Variants in ARMC6 observed in about 807,000 individuals in gnomAD.
ARMC6 encodes armadillo repeat-containing protein 6.
ARMC6 carries 43 observed loss-of-function variants against 49.2 expected under a neutral mutation model. The ratio of observed to expected loss-of-function variants is 0.87; its 90% CI spans 0.69 to 1.13. ARMC6 has a LOEUF of 1.13. Among genes scored for constraint, ARMC6 ranks in the 50% most tolerant of loss-of-function variants. The probability of loss-of-function intolerance (pLI) is 0.00; values close to 1 mark genes in which losing one functional copy is unlikely to be tolerated. For synonymous variants in ARMC6, 262 were observed against 289.6 expected, an observed-to-expected ratio of 0.90 and a Z score of 0.97; for missense variants, 627 against 682.0, an observed-to-expected ratio of 0.92 and a Z score of 0.90.
In ARMC6 at chr19:19,055,839, C is replaced by T; in HGVS notation, c.1204C>T (p.Pro402Ser). 1 of 1,611,560 alleles carries T rather than the reference C, an allele frequency of 6.2e-7. No homozygotes were observed. The highest frequency in any genetic ancestry group is 8.5e-7 in the Non-Finnish European group (1 of 1,178,422). Residue 402 changes from proline (P) to serine (S), a missense_variant, in exon 8 of 9, where the codon CCC becomes TCC. Transcript: ENST00000535612. This position sits in a 1 kb window ranked among gnomAD's most constrained non-coding sequence, Gnocchi z 5.7. The part of the protein sequence containing the change: ...AALCFLALRK[P>S]DNSRIIVEGG... ...CCTGTGCTTCCTGGCCCTGCGTAAG[C>T]CCGACAACAGCCGCATCATCGTGGA...
rs1568494933 is a variant in ARMC6, at chr19:19,051,843, T to TG, written c.503dup (p.Gln169ThrfsTer22). ...TCAATGCCCTGTCGGTGCTGACTGA[T>TG]GGACAGCCAGACCTCCTGGATGCCC... On this transcript the variant is annotated frameshift_variant, in exon 5 of 9. Transcript: ENST00000535612. LOFTEE classifies it high-confidence loss of function. The TG allele has an allele frequency of 1.2e-6, 2 of 1,614,108 alleles. No individual in the cohort carries two copies. Among genetic ancestry groups the TG allele is most frequent in the Non-Finnish European group, 1.7e-6 (2 of 1,180,016 alleles).
chr19:19,046,198 T>C (rs1460608002), intron 4 of ARMC6, among the ~76,000 whole-genome samples: 1 of 151,844 alleles, frequency 6.6e-6, no homozygotes, highest in Non-Finnish European at 1.5e-5. Flanking sequence ...GTTCTTTTAT[T>C]TATTCATTTA....
chr19:19,033,978 G>T (rs1382030872), intron 1 of ARMC6, 48 bp downstream of exon 1: 2 of 538,784 alleles, frequency 3.7e-6, no homozygotes. Flanking sequence ...AGTGGGGAGT[G>T]GGGGTGCCGC....
chr19:19,043,959 C>A (rs756391594), intron 3 of ARMC6, 33 bp from the exon 4 acceptor site: 69 of 1,595,314 alleles, frequency 4.3e-5, no homozygotes, highest in Non-Finnish European at 5.6e-5. Context: ...TTCTTTCTGA[C>A]CCCTGTGTGC....
intron 4 of ARMC6, among the ~76,000 whole-genome samples, chr19:19,049,105 T>C (rs887204529): frequency 6.8e-6 from 1 of 146,354 alleles, no homozygotes; most frequent in African/African-American, 2.5e-5. Flanking sequence ...CCAGCTAGAG[T>C]GCAGTGGTGT....
chr19:19,037,431 C>G (rs555172839), intron 2 of ARMC6: 5 of 261,780 alleles, frequency 1.9e-5, no homozygotes, highest in Non-Finnish European at 3.1e-5. Context: ...GGCTGGAGTT[C>G]AGGGATATGA....
chr19:19,042,589 C>A, intron 2 of ARMC6, 122 bp from the exon 3 acceptor site: 2 of 938,096 alleles, frequency 2.1e-6, no homozygotes, highest in South Asian at 1.4e-5. Context: ...AGAATTTCTC[C>A]AGGGTGGTTG....
chr19:19,036,843 A>G (rs926607869), intron 2 of ARMC6, among the ~76,000 whole-genome samples: 13 of 152,232 alleles, frequency 8.5e-5, no homozygotes, highest in African/African-American at 2.4e-4. Context: ...CTACTGCCCT[A>G]TGAAGTAGAT....
At chr19:19,041,995 G>A (rs1468833772) in intron 2 of ARMC6, among the ~76,000 whole-genome samples, 1 of 152,044 alleles carries the variant, frequency 6.6e-6, no homozygotes, top group Non-Finnish European at 1.5e-5. Flanking sequence ...CCAGGCTCAA[G>A]CGATCCTGCT....
At chr19:19,056,054 T>C in intron 8 of ARMC6, 126 bp downstream of exon 8, 1 of 1,065,386 alleles carries the variant, frequency 9.4e-7, no homozygotes, top group Non-Finnish European at 1.3e-6. Context: ...CCTATCCCTA[T>C]CCCTGTCCCT....
chr19:19,054,146 C>T lies in ARMC6; in HGVS notation c.854-6C>T, dbSNP rs187591927. 24 of 1,556,110 alleles carry T rather than the reference C, an allele frequency of 1.5e-5. No homozygotes were observed. Among genetic ancestry groups the T allele is most frequent in the Non-Finnish European group, 1.7e-5 (19 of 1,150,198 alleles). On this transcript the variant is annotated splice_region_variant and splice_polypyrimidine_tract_variant and intron_variant, in intron 5 of 8. Coordinates refer to ENST00000535612, the MANE Select transcript of ARMC6 (RefSeq NM_001199196.2). ...CCCCCACCACCGTCTCCCTTTCTCCCTGCAGCGTTCCTGGATAACCCTGGC... is the reference window on the plus strand; with the variant it reads ...CCCCCACCACCGTCTCCCTTTCTCCTTGCAGCGTTCCTGGATAACCCTGGC...
rs75166692 is a variant in ARMC6, at chr19:19,051,182, C to T, written c.280-440C>T. 3.3e-5 allele frequency among the ~76,000 whole-genome samples: 5 copies of T among 152,290 alleles called. No individual in the cohort carries two copies. The South Asian group carries it at 8.3e-4, about 25-fold the overall frequency. On this transcript the variant is annotated intron_variant, in intron 4 of 8. Coordinates refer to ENST00000535612, the MANE Select transcript of ARMC6 (RefSeq NM_001199196.2). Reference sequence around the variant, plus strand: ...GTGCCAGTTTGTTACAGCTGTGTGACAAACAACCCAAACAACAGGCATCTT... The same window carrying T: ...GTGCCAGTTTGTTACAGCTGTGTGATAAACAACCCAAACAACAGGCATCTT...
intron 4 of ARMC6, among the ~76,000 whole-genome samples, chr19:19,046,287 C>T (rs1320729158): frequency 2.6e-5 from 4 of 152,012 alleles, no homozygotes; most frequent in South Asian, 2.1e-4. Context: ...AGCTCCACCT[C>T]CCAGGTTCAT....
chr19:19,046,139 G>A (rs1451829856), intron 4 of ARMC6, among the ~76,000 whole-genome samples: 1 of 152,036 alleles, frequency 6.6e-6, no homozygotes, highest in African/African-American at 2.4e-5. Flanking sequence ...CAGCAGTACA[G>A]GAAACTCCGT....
rs908258950 is a variant in ARMC6, at chr19:19,051,634, C to G, written c.292C>G (p.Leu98Val). Residue 98 changes from leucine (L) to valine (V), a missense_variant, in exon 5 of 9, where the codon CTC becomes GTC. Coordinates refer to ENST00000535612, the MANE Select transcript of ARMC6 (RefSeq NM_001199196.2). ...THDILQMLSD[L>V]QESVASSRPQ... ...CCATGTCTCCCAGATGCTCAGTGAC[C>G]TCCAGGAGTCTGTGGCCAGCTCTCG... 3 of 1,601,912 alleles carry G rather than the reference C, an allele frequency of 1.9e-6. No homozygotes were observed. Among genetic ancestry groups the G allele is most frequent in the Middle Eastern group, 1.7e-4 (1 of 5,996 alleles).
chr19:19,057,084 A>G (rs576434042), intron 8 of ARMC6, among the ~76,000 whole-genome samples: 47 of 152,306 alleles, frequency 3.1e-4, no homozygotes, highest in Admixed American at 2.4e-3. Context: ...CCGTGGCCTC[A>G]CTGCCCCCTT....
chr19:19,052,250 AC>A, intron 5 of ARMC6, 55 bp downstream of exon 5: 2 of 1,487,012 alleles, frequency 1.3e-6, no homozygotes, highest in South Asian at 1.3e-5. Flanking sequence ...GTCAGATGTG[AC>A]CAGAGTGAGG....
intron 1 of ARMC6, 62 bp downstream of exon 1, chr19:19,033,992 G>A: frequency 1.8e-6 from 1 of 551,006 alleles, no homozygotes; most frequent in Non-Finnish European, 3.2e-6. Context: ...GTGCCGCAGG[G>A]TCGGGCTGGC....
chr19:19,054,346 C>T (rs552395674), intron 6 of ARMC6, 25 bp downstream of exon 6: 84 of 1,490,082 alleles, frequency 5.6e-5, no homozygotes, highest in Middle Eastern at 5.4e-4. Context: ...TGGCCCATTG[C>T]GTGCTGTCCT....
Sources: gnomAD v4.1 joint callset for allele counts (sites outside exome capture counted in the v4.1 genomes callset) on GRCh38, gnomAD v4.1.1 for gene constraint, Gnocchi (gnomAD v3.1) non-coding constraint, MANE v1.5 for transcripts, NCBI Gene and HGNC (gene_info 2026-07-23, HGNC 2026-07-21) for gene names.